The following AXDND1 variants were observed in gnomAD, a reference collection of about 807,000 sequenced individuals.
The protein encoded by AXDND1 is axonemal dynein light chain domain-containing protein 1.
A neutral mutation model predicts 137.5 loss-of-function variants in AXDND1; 110 were observed. The ratio of observed to expected loss-of-function variants is 0.80; its 90% CI spans 0.69 to 0.94. The LOEUF is 0.94. Among genes scored for constraint, AXDND1 ranks in the 40% least tolerant of loss-of-function variants. AXDND1 has a pLI of 0.00. For missense variants in AXDND1, 1,191 were observed against 1,169.8 expected (o/e 1.02, Z -0.26); for synonymous variants, 414 against 399.7 (o/e 1.04, Z -0.43).
chr1:179,502,825 G>A (rs1447632051), intron 20 of AXDND1, among the ~76,000 whole-genome samples: 1 of 151,842 alleles, frequency 6.6e-6, no homozygotes, highest in Non-Finnish European at 1.5e-5. Context: ...GCCAGGCGTG[G>A]TGGCTCACAC....
intron 15 of AXDND1, among the ~76,000 whole-genome samples, chr1:179,437,081 A>AG (rs1658270591): frequency 6.6e-6 from 1 of 151,908 alleles, no homozygotes; most frequent in East Asian, 1.9e-4. Context: ...AAAAAAAAAA[A>AG]AAAAAAGGAA....
chr1:179,534,935 G>GA lies in AXDND1; in HGVS notation c.3008dup (p.Asn1003LysfsTer51), dbSNP rs1558314895. The GA allele has an allele frequency of 6.2e-7, 1 of 1,606,606 alleles. No homozygotes were observed. Among genetic ancestry groups the GA allele is most frequent in the East Asian group, 2.2e-5 (1 of 44,770 alleles). On this transcript the variant is annotated frameshift_variant, in exon 25 of 26. Transcript: ENST00000367618. LOFTEE classifies it high-confidence loss of function. ...AGAAGAAGAAGAAGTCAGGTCAGCA[G>GA]AAAATTCCTCAAAATCTCCAAAGAA... is the stretch of plus-strand genomic sequence containing the variant.
chr1:179,447,448 T>C (rs1659899660), intron 16 of AXDND1: 1 of 419,010 alleles, frequency 2.4e-6, no homozygotes, highest in East Asian at 3.6e-5. Flanking sequence ...TAAGATAGTG[T>C]TGTCCCTTCA....
At chr1:179,494,573 T>C (rs545532937) in intron 20 of AXDND1, among the ~76,000 whole-genome samples, 25 of 151,514 alleles carry the variant, frequency 1.7e-4, no homozygotes, top group Middle Eastern at 6.8e-3. Context: ...AGTATTTTAC[T>C]ATGTTGCGTA....
chr1:179,381,629 C>A (rs1314922222), intron 6 of AXDND1, among the ~76,000 whole-genome samples: 1 of 152,036 alleles, frequency 6.6e-6, no homozygotes, highest in Non-Finnish European at 1.5e-5. Context: ...CAGGTGTGAG[C>A]CACTGCACCT....
intron 23 of AXDND1, among the ~76,000 whole-genome samples, chr1:179,530,778 C>T (rs1415948394): frequency 2.6e-5 from 4 of 152,166 alleles, no homozygotes; most frequent in South Asian, 2.1e-4. Flanking sequence ...CAATTACTTG[C>T]AAGTTCCTGG....
At chr1:179,494,760 C>CT (rs1430891092) in intron 20 of AXDND1, among the ~76,000 whole-genome samples, 1 of 152,036 alleles carries the variant, frequency 6.6e-6, no homozygotes, top group Non-Finnish European at 1.5e-5. Flanking sequence ...TTTTGGTATT[C>CT]TATCTAAAGA....
In AXDND1 at chr1:179,441,945, A is replaced by G. The variant is rs59067038; in HGVS notation, c.1564-3025A>G. Among the ~76,000 whole-genome samples the G allele has an allele frequency of 3.9e-3, 593 of 152,334 alleles. 6 individuals are homozygous for G. Among genetic ancestry groups the G allele is most frequent in the African/African-American group, 0.013 (552 of 41,576 alleles). On this transcript the variant is annotated intron_variant, in intron 15 of 25. Coordinates refer to ENST00000367618, the MANE Select transcript of AXDND1 (RefSeq NM_144696.6). ...CAAAGGGTAAAAGACGCATAGCACC[A>G]AACACAGATTCTAGCAATCTTAAGG...
intron 16 of AXDND1, chr1:179,450,003 T>A (rs1171898572): frequency 7.4e-6 from 1 of 135,604 alleles, no homozygotes. Context: ...TTTTTTTTTT[T>A]TTTTTTTTTT....
At chr1:179,553,148 C>T (rs1012678581) in intron 25 of AXDND1, among the ~76,000 whole-genome samples, 1 of 152,198 alleles carries the variant, frequency 6.6e-6, no homozygotes, top group African/African-American at 2.4e-5. Flanking sequence ...ACAAAATTGT[C>T]TTTTGACCCT....
rs191830815 is a variant in AXDND1 at position 179,386,190 on chromosome 1, T to C, written c.863+831T>C. Among the ~76,000 whole-genome samples, 460 of 152,096 alleles carry C rather than the reference T, an allele frequency of 3.0e-3. 3 individuals carry two copies. The highest frequency in any genetic ancestry group is 0.01 in the African/African-American group (426 of 41,494). ...CCTCAGCCTCCCGAGTAGCTGGGAT[T>C]ACAGGCGCCTGCCACCACGCCCGGC... On this transcript the variant is annotated intron_variant, in intron 9 of 25. Coordinates refer to ENST00000367618, the MANE Select transcript of AXDND1 (RefSeq NM_144696.6).
chr1:179,419,025 C>G (rs545948097), intron 12 of AXDND1, among the ~76,000 whole-genome samples: 1 of 151,360 alleles, frequency 6.6e-6, no homozygotes, highest in Non-Finnish European at 1.5e-5. Context: ...GATGGGCGGC[C>G]GGACAGAGAC....
chr1:179,450,911 G>C (rs1019984498), intron 16 of AXDND1: 3 of 152,230 alleles, frequency 2.0e-5, no homozygotes, highest in Admixed American at 6.5e-5. Flanking sequence ...GTGACAGAGA[G>C]AGACACTGTC....
intron 20 of AXDND1, chr1:179,506,955 T>G: frequency 1.1e-6 from 1 of 940,660 alleles, no homozygotes; most frequent in Non-Finnish European, 1.3e-6. Flanking sequence ...TTTCCTTCCT[T>G]ATGGGGGGAT....
chr1:179,459,731 C>T (rs1205780225), intron 16 of AXDND1, among the ~76,000 whole-genome samples: 3 of 99,426 alleles, frequency 3.0e-5, no homozygotes, highest in Admixed American at 1.0e-4. Flanking sequence ...TCTTTCCTTC[C>T]TTCCTTTTTT....
Position 179,445,122 on chromosome 1 carries a change from A to G in AXDND1, c.1716A>G (p.Ser572=). 6.2e-7 allele frequency: 1 copy of G among 1,613,520 alleles called. No homozygotes were observed. The highest frequency in any genetic ancestry group is 8.5e-7 in the Non-Finnish European group (1 of 1,179,534). ...AAAGTTTGGAGGGGGAGATGCCATC[A>G]GAGCGACAGTACATGGAGGAAATTA... ...RHKSLEGEMP[S]ERQYMEEIIK... Residue 572 remains serine (S), a synonymous_variant, in exon 16 of 26, where the codon TCA becomes TCG. Transcript: ENST00000367618.
In AXDND1 at chr1:179,552,775, C is replaced by G. The variant is rs1218019214; in HGVS notation, c.3032-1737C>G. 4.2e-6 allele frequency: 4 copies of G among 944,032 alleles called. No individual in the cohort carries two copies. In the East Asian group the frequency reaches 1.0e-4, roughly 24 times the overall value. 58.5% of individuals were successfully genotyped at this position (944,032 alleles called of 1,614,324 possible). A position where few individuals can be genotyped will look rare whatever the true frequency, so the allele number is the denominator to read the frequency against. ...CTTGCAAGCCTCTCTACTGCTGTCT[C>G]ATGATGAGTAGCAAATTTGGAGTGA... On this transcript the variant is annotated intron_variant, in intron 25 of 25. Coordinates refer to ENST00000367618, the MANE Select transcript of AXDND1 (RefSeq NM_144696.6).
chr1:179,447,959 A>C, intron 16 of AXDND1: 1 of 1,401,240 alleles, frequency 7.1e-7, no homozygotes, highest in Non-Finnish European at 1.0e-6. Flanking sequence ...CTGGCTGCCA[A>C]AGATGGTGAC....
intron 18 of AXDND1, among the ~76,000 whole-genome samples, chr1:179,488,631 TCTCCTTTCTTTCTTTC>T (rs1381322729): frequency 1.5e-5 from 1 of 67,080 alleles, no homozygotes; most frequent in Non-Finnish European, 3.0e-5. Flanking sequence ...TCTCTCTCTC[TCTCCTTTCTTTCTTTC>T]TTTCTTTCTT....
Sources: allele counts gnomAD v4.1 joint callset (sites outside exome capture counted in the v4.1 genomes callset), GRCh38; gene constraint gnomAD v4.1.1; transcripts MANE v1.5; gene names NCBI Gene and HGNC (gene_info 2026-07-23, HGNC 2026-07-21).